Variants in ARHGEF28 observed in about 807,000 individuals in gnomAD.
ARHGEF28 encodes Rho guanine nucleotide exchange factor 28.
ARHGEF28 carries 152 observed loss-of-function variants against 206.6 expected under a neutral mutation model. The ratio of observed to expected loss-of-function variants is 0.74; its 90% CI spans 0.64 to 0.84. The LOEUF (loss-of-function observed/expected upper bound fraction) is 0.84. ARHGEF28 is among the 40% of genes least tolerant of loss of function. The probability of loss-of-function intolerance (pLI) is 0.00; values close to 1 mark genes in which losing one functional copy is unlikely to be tolerated. For synonymous variants in ARHGEF28, 763 were observed against 776.4 expected (o/e 0.98, Z 0.29); for missense variants, 2,028 against 2,073.2 (o/e 0.98, Z 0.42).
At chr5:73,927,406 G>C (rs1336137253) in intron 35 of ARHGEF28, among the ~76,000 whole-genome samples, 3 of 152,122 alleles carry the variant, frequency 2.0e-5, no homozygotes, top group East Asian at 1.9e-4. Context: ...CTAGTCACAG[G>C]TCAGATGTTG....
At chr5:73,936,066 T>G (rs1275982928) in intron 35 of ARHGEF28, among the ~76,000 whole-genome samples, 1 of 152,190 alleles carries the variant, frequency 6.6e-6, no homozygotes, top group Non-Finnish European at 1.5e-5. Context: ...AAATAAAACT[T>G]TCATTTAACA....
intron 28 of ARHGEF28, among the ~76,000 whole-genome samples, chr5:73,893,882 C>G (rs897864940): frequency 6.6e-6 from 1 of 152,122 alleles, no homozygotes; most frequent in African/African-American, 2.4e-5. Context: ...AGTTAAGGTC[C>G]CTTTGAGCTT....
chr5:73,675,852 TTCTAACTATGTAG>T (rs376040893), intron 1 of ARHGEF28, among the ~76,000 whole-genome samples: 1,531 of 103,080 alleles, frequency 0.015, 24 homozygotes, highest in African/African-American at 0.042. Flanking sequence ...GAACACCATT[TTCTAACTATGTAG>T]TCTTATGCAA....
intron 14 of ARHGEF28, among the ~76,000 whole-genome samples, chr5:73,855,027 A>G (rs1758930702): frequency 6.6e-6 from 1 of 152,202 alleles, no homozygotes; most frequent in South Asian, 2.1e-4. Flanking sequence ...GAGTGATGCT[A>G]TCGGTCATCA....
intron 26 of ARHGEF28, among the ~76,000 whole-genome samples, chr5:73,891,407 T>C (rs1761621159): frequency 6.6e-6 from 1 of 152,170 alleles, no homozygotes; most frequent in Admixed American, 6.6e-5. Context: ...CTCAGTCTCT[T>C]TGACATTTGA....
At chr5:73,884,603 G>A (rs1236843678) in intron 24 of ARHGEF28, among the ~76,000 whole-genome samples, 2 of 152,162 alleles carry the variant, frequency 1.3e-5, no homozygotes, top group African/African-American at 4.8e-5. Context: ...AAAAGGGCTT[G>A]GGTTTGGAAT....
chr5:73,694,564 T>G (rs1212702940), intron 2 of ARHGEF28, among the ~76,000 whole-genome samples: 1 of 152,214 alleles, frequency 6.6e-6, no homozygotes, highest in African/African-American at 2.4e-5. Flanking sequence ...GTAAAAGAAA[T>G]AACGTGATCC....
intron 2 of ARHGEF28, among the ~76,000 whole-genome samples, chr5:73,737,465 TTC>T (rs1751031075): frequency 1.4e-5 from 1 of 71,544 alleles, no homozygotes; most frequent in Non-Finnish European, 2.6e-5. Flanking sequence ...TTCTTTTCTT[TTC>T]TTTTCTTTTC....
chr5:73,740,078 G>A (rs1751288973), intron 2 of ARHGEF28, among the ~76,000 whole-genome samples: 1 of 149,192 alleles, frequency 6.7e-6, no homozygotes, highest in Non-Finnish European at 1.5e-5. Flanking sequence ...TTAGGAGGCT[G>A]AGGTGGGAGG....
chr5:73,889,700 C>T (rs1761512452), intron 26 of ARHGEF28, among the ~76,000 whole-genome samples: 6 of 152,222 alleles, frequency 3.9e-5, no homozygotes, highest in Admixed American at 3.3e-4. Flanking sequence ...CATTAGAGGT[C>T]TTCAACTCCT....
At chr5:73,925,943 A>G (rs4704101) in intron 35 of ARHGEF28, among the ~76,000 whole-genome samples, 29,682 of 152,160 alleles carry the variant, frequency 0.2, 3,314 homozygotes, top group East Asian at 0.55. Flanking sequence ...TTATGTTTAT[A>G]TTTCTCTTGG....
intron 35 of ARHGEF28, among the ~76,000 whole-genome samples, chr5:73,927,816 A>C (rs1371354711): frequency 1.3e-5 from 2 of 152,218 alleles, no homozygotes; most frequent in Non-Finnish European, 2.9e-5. Flanking sequence ...AACAAACTTA[A>C]ATGTAAAAAG....
At chr5:73,852,322 C>T (rs1758755811) in intron 13 of ARHGEF28, among the ~76,000 whole-genome samples, 1 of 152,132 alleles carries the variant, frequency 6.6e-6, no homozygotes, top group Admixed American at 6.5e-5. Context: ...ATAGGGATGA[C>T]TCTAGTGAAA....
chr5:73,712,699 A>G (rs1161925180), intron 2 of ARHGEF28, among the ~76,000 whole-genome samples: 1 of 152,224 alleles, frequency 6.6e-6, no homozygotes, highest in Non-Finnish European at 1.5e-5. Context: ...CCTCGAAATT[A>G]TCAGCATGCT....
At chr5:73,690,019 C>A (rs1233790082) in intron 2 of ARHGEF28, among the ~76,000 whole-genome samples, 1 of 151,976 alleles carries the variant, frequency 6.6e-6, no homozygotes, top group Admixed American at 6.6e-5. Context: ...AAGTTCTGTA[C>A]TGGAAATTAT....
rs369496667 is a variant in ARHGEF28 at position 73,828,597 on chromosome 5, TTCCTTTC to T, written c.1025-3733_1025-3727del. On this transcript the variant is annotated intron_variant, in intron 9 of 35. Coordinates refer to ENST00000513042, the MANE Select transcript of ARHGEF28 (RefSeq NM_001177693.2). ...ACCTTTTCTTCCTTTCCTTTCCTTT[TTCCTTTC>T]TCCTTTCCTTTCTTTTTTCCTTTTT... 7.7e-3 allele frequency among the ~76,000 whole-genome samples: 1,176 copies of T among 151,996 alleles called. 17 individuals carry two copies. Among genetic ancestry groups the T allele is most frequent in the East Asian group, 0.029 (149 of 5,148 alleles).
chr5:73,631,598 T>C (rs1057149452), intron 1 of ARHGEF28, among the ~76,000 whole-genome samples: 2 of 152,162 alleles, frequency 1.3e-5, no homozygotes, highest in Non-Finnish European at 2.9e-5. Context: ...ACTTTCCTAA[T>C]CTTTAGGTGT....
At chr5:73,782,332 G>A (rs1293344847) in intron 7 of ARHGEF28, among the ~76,000 whole-genome samples, 6 of 151,994 alleles carry the variant, frequency 3.9e-5, no homozygotes, top group South Asian at 2.1e-4. Context: ...CCAGCTACTC[G>A]GGAGGCTGAG....
intron 1 of ARHGEF28, among the ~76,000 whole-genome samples, chr5:73,677,735 T>C (rs1179652789): frequency 6.6e-6 from 1 of 152,250 alleles, no homozygotes; most frequent in Non-Finnish European, 1.5e-5. Flanking sequence ...GGGAACAAAC[T>C]TAAAAATTCT....
Sources: gnomAD v4.1 joint callset for allele counts (sites outside exome capture counted in the v4.1 genomes callset) on GRCh38, gnomAD v4.1.1 for gene constraint, MANE v1.5 for transcripts, NCBI Gene and HGNC (gene_info 2026-07-23, HGNC 2026-07-21) for gene names.